Variants in CTNNA1 observed in about 807,000 individuals in gnomAD.
CTNNA1 encodes catenin alpha-1.
In CTNNA1, 37 loss-of-function variants were observed where a neutral mutation model predicts 98.4. The ratio of observed to expected loss-of-function variants is 0.38; its 90% CI spans 0.29 to 0.49. CTNNA1 has a LOEUF of 0.49. Among genes scored for constraint, CTNNA1 ranks in the 20% least tolerant of loss-of-function variants. CTNNA1 has a pLI of 0.95. For missense variants in CTNNA1, 761 were observed against 1,147.2 expected, an observed-to-expected ratio of 0.66 and a Z score of 4.86; for synonymous variants, 404 against 413.2, an observed-to-expected ratio of 0.98 and a Z score of 0.27.
intron 7 of CTNNA1, among the ~76,000 whole-genome samples, chr5:138,842,781 C>T (rs1762380063): frequency 6.6e-6 from 1 of 152,088 alleles, no homozygotes; most frequent in South Asian, 2.1e-4. Context: ...AATGTTGTAG[C>T]GTTCAGATAA....
At chr5:138,864,586 C>T (rs1473161647) in intron 7 of CTNNA1, among the ~76,000 whole-genome samples, 1 of 152,082 alleles carries the variant, frequency 6.6e-6, no homozygotes. Flanking sequence ...AAACTAAATT[C>T]CTCAGCTAAA....
At position 138,874,863 on chromosome 5, in the gene CTNNA1, T is replaced by A; in HGVS notation, c.1063-11349T>A. The A allele has an allele frequency of 1.3e-6, 2 of 1,560,396 alleles. No homozygotes were observed. The highest frequency in any genetic ancestry group is 1.8e-6 in the Non-Finnish European group (2 of 1,141,676). ...AATTCGGTAGCTTATTTTAAAAGCG[T>A]GATTCCTTGTTGAATGTACAAGACA... On this transcript the variant is annotated intron_variant, in intron 7 of 17. Coordinates refer to ENST00000302763, the MANE Select transcript of CTNNA1 (RefSeq NM_001903.5). This position sits in a 1 kb window ranked among gnomAD's most constrained non-coding sequence, Gnocchi z 4.1.
In CTNNA1 at chr5:138,784,938, C is replaced by T. The variant is rs547583122; in HGVS notation, c.301+1566C>T. Among the ~76,000 whole-genome samples the T allele has an allele frequency of 1.4e-3, 219 of 152,276 alleles. 1 individual carries two copies. Among genetic ancestry groups the T allele is most frequent in the Admixed American group, 3.5e-3 (54 of 15,290 alleles). On this transcript the variant is annotated intron_variant, in intron 3 of 17. Coordinates refer to ENST00000302763, the MANE Select transcript of CTNNA1 (RefSeq NM_001903.5). ...CCACCTTAATCCAGTATAACCTCATCGTAACTTGATATCATCTGCAAAGAC... is the reference window on the plus strand; with the variant it reads ...CCACCTTAATCCAGTATAACCTCATTGTAACTTGATATCATCTGCAAAGAC...
At chr5:138,820,549 G>A (rs1273171652) in intron 5 of CTNNA1, among the ~76,000 whole-genome samples, 1 of 152,088 alleles carries the variant, frequency 6.6e-6, no homozygotes, top group African/African-American at 2.4e-5. Flanking sequence ...CTCGAAGTAG[G>A]GAGGTTTGTC....
At chr5:138,923,862 G>A (rs536073491) in intron 11 of CTNNA1, among the ~76,000 whole-genome samples, 1 of 152,334 alleles carries the variant, frequency 6.6e-6, no homozygotes, top group East Asian at 1.9e-4. Context: ...ATGACTGTTA[G>A]GAGCCACCCA....
intron 7 of CTNNA1, among the ~76,000 whole-genome samples, chr5:138,878,669 T>G (rs890519409): frequency 3.3e-5 from 5 of 152,228 alleles, no homozygotes; most frequent in Non-Finnish European, 7.3e-5. Context: ...TATTGCTGAT[T>G]AGGGAGAGTT....
intron 1 of CTNNA1, among the ~76,000 whole-genome samples, chr5:138,778,339 C>G (rs1754649285): frequency 6.6e-6 from 1 of 152,150 alleles, no homozygotes; most frequent in Admixed American, 6.5e-5. Flanking sequence ...TGTAGATCGT[C>G]TCACGCTTTG....
intron 2 of CTNNA1, among the ~76,000 whole-genome samples, chr5:138,782,679 G>C (rs1352089272): frequency 6.6e-6 from 1 of 152,148 alleles, no homozygotes; most frequent in Non-Finnish European, 1.5e-5. Flanking sequence ...ATCACTGTAG[G>C]CTTCTTTGGG....
intron 6 of CTNNA1, among the ~76,000 whole-genome samples, chr5:138,825,735 C>A (rs776657783): frequency 4.6e-5 from 7 of 151,762 alleles, no homozygotes; most frequent in Non-Finnish European, 7.4e-5. Flanking sequence ...ATATGCATGG[C>A]CGATTTAAGA....
rs28363383 is a variant in CTNNA1 at position 138,782,166 on chromosome 5, T to G, written c.105+137T>G. 4.5e-3 allele frequency: 3,587 copies of G among 800,892 alleles called. 168 individuals carry two copies. The Admixed American group carries it at 0.086, about 19-fold the overall frequency. 49.6% of individuals were successfully genotyped at this position (800,892 alleles called of 1,614,324 possible). On this transcript the variant is annotated intron_variant, in intron 2 of 17. Transcript: ENST00000302763. Reference sequence around the variant, plus strand: ...TTTAGGTGACAGTTCTTAGATGATTTGAATATTGATGCATGGGTTTAGTTA... The same window carrying G: ...TTTAGGTGACAGTTCTTAGATGATTGGAATATTGATGCATGGGTTTAGTTA...
At chr5:138,928,236 A>G (rs557504093) in intron 13 of CTNNA1, among the ~76,000 whole-genome samples, 7 of 152,282 alleles carry the variant, frequency 4.6e-5, no homozygotes, top group Admixed American at 1.3e-4. Flanking sequence ...TAACTGCCAG[A>G]GGACAACATT....
chr5:138,788,478 A>G (rs564527614), intron 3 of CTNNA1, among the ~76,000 whole-genome samples: 6 of 152,286 alleles, frequency 3.9e-5, no homozygotes, highest in Middle Eastern at 3.4e-3. Flanking sequence ...AAAGTATACA[A>G]TGCAGTGTTT....
chr5:138,776,185 C>T (rs1462606446), intron 1 of CTNNA1, among the ~76,000 whole-genome samples: 4 of 151,582 alleles, frequency 2.6e-5, no homozygotes, highest in Non-Finnish European at 4.4e-5. Context: ...TGCAGAGGAC[C>T]CTGCGGCCTT....
At chr5:138,904,659 T>C (rs760925082) in intron 10 of CTNNA1, 16 of 573,712 alleles carry the variant, frequency 2.8e-5, no homozygotes, top group Non-Finnish European at 4.0e-5. Flanking sequence ...TGGCCCTTCA[T>C]TGAAAATGCA....
intron 1 of CTNNA1, among the ~76,000 whole-genome samples, chr5:138,776,479 A>G (rs1282050057): frequency 1.3e-5 from 2 of 152,214 alleles, no homozygotes; most frequent in African/African-American, 2.4e-5. Flanking sequence ...CGATTTATCA[A>G]TCCTTTGCCC....
In CTNNA1 at chr5:138,924,565, T is replaced by C. The variant is rs1310980008; in HGVS notation, c.1602T>C (p.Asp534=). The change falls in exon 12 of 18, where the codon GAT becomes GAC. Residue 534 remains aspartate, a synonymous_variant. Coordinates refer to ENST00000302763, the MANE Select transcript of CTNNA1 (RefSeq NM_001903.5). ...NKCVIALQEK[D]VDGLDRTAGA... is the part of the protein sequence containing the mutation. ...GTGTCATTGCTCTCCAAGAGAAGGA[T>C]GTGGATGGCCTGGACCGCACAGCTG... 9.3e-6 allele frequency: 15 copies of C among 1,614,114 alleles called. No individual in the cohort carries two copies. In the South Asian group the frequency reaches 1.6e-4, roughly 18 times the overall value.
intron 3 of CTNNA1, among the ~76,000 whole-genome samples, chr5:138,806,517 A>G (rs932594232): frequency 6.7e-6 from 1 of 149,362 alleles, no homozygotes; most frequent in Non-Finnish European, 1.5e-5. Context: ...ATTTACTACT[A>G]CTCTCTTCTG....
intron 8 of CTNNA1, among the ~76,000 whole-genome samples, chr5:138,886,720 T>C (rs970390594): frequency 1.3e-5 from 2 of 152,136 alleles, no homozygotes; most frequent in Non-Finnish European, 2.9e-5. Context: ...GTTCCAAATA[T>C]GGTAGGTATA....
At chr5:138,887,995 C>G (rs910341385) in intron 9 of CTNNA1, among the ~76,000 whole-genome samples, 7 of 152,232 alleles carry the variant, frequency 4.6e-5, no homozygotes, top group Admixed American at 2.0e-4. Context: ...TGCATCCTGA[C>G]AAGCTAACCT....
Sources: gnomAD v4.1 joint callset for allele counts (sites outside exome capture counted in the v4.1 genomes callset) on GRCh38, gnomAD v4.1.1 for gene constraint, Gnocchi (gnomAD v3.1) non-coding constraint, MANE v1.5 for transcripts, NCBI Gene and HGNC (gene_info 2026-07-23, HGNC 2026-07-21) for gene names.